The following SMTNL2 variants were observed in gnomAD, a reference collection of about 807,000 sequenced individuals.
The protein encoded by SMTNL2 is smoothelin like 2, also known as smoothelin-like protein 2.
In SMTNL2, 43 loss-of-function variants were observed where a neutral mutation model predicts 44.1. The ratio of observed to expected loss-of-function variants is 0.98; its 90% CI spans 0.76 to 1.26. The LOEUF is 1.26. SMTNL2 is among the 50% of genes most tolerant of loss of function. The pLI, the probability that SMTNL2 is intolerant of heterozygous loss-of-function variation, is 0.00. For missense variants in SMTNL2, 646 were observed against 670.2 expected, an observed-to-expected ratio of 0.96 and a Z score of 0.40; for synonymous variants, 317 against 287.6, an observed-to-expected ratio of 1.10 and a Z score of -1.03.
chr17:4,590,530 C>T (rs1484426562), intron 1 of SMTNL2, among the ~76,000 whole-genome samples: 1 of 152,178 alleles, frequency 6.6e-6, no homozygotes, highest in African/African-American at 2.4e-5. Context: ...CAGCTACCTC[C>T]TCAGCTCCCT....
chr17:4,592,909 A>T lies in SMTNL2; in HGVS notation c.488-20A>T, dbSNP rs891662389. Reference sequence around the variant, plus strand: ...GGCTGCCACAGCTGACCACCCACCCATGCTGGTCACATGTTCCAGGTCCAG... The same window carrying T: ...GGCTGCCACAGCTGACCACCCACCCTTGCTGGTCACATGTTCCAGGTCCAG... On this transcript the variant is annotated intron_variant, in intron 2 of 7. Coordinates refer to ENST00000389313, the MANE Select transcript of SMTNL2 (RefSeq NM_001114974.2). This position sits in a 1 kb window ranked among gnomAD's most constrained non-coding sequence, Gnocchi z 4.5. The T allele has an allele frequency of 6.2e-6, 10 of 1,600,416 alleles. No homozygotes were observed. Among genetic ancestry groups the T allele is most frequent in the Non-Finnish European group, 7.7e-6 (9 of 1,170,670 alleles).
chr17:4,595,428 T>TC lies in SMTNL2; in HGVS notation c.989+105dup. 6.9e-7 allele frequency: 1 copy of TC among 1,454,466 alleles called. No homozygotes were observed. 90.1% of individuals were successfully genotyped at this position (1,454,466 alleles called of 1,614,324 possible). ...AGGGCAAGGTTCAGCCCTGTCCTGTTCCCCAGGGCGCTGTTGCCCAGGACA... is the reference window on the plus strand; with the variant it reads ...AGGGCAAGGTTCAGCCCTGTCCTGTTCCCCCAGGGCGCTGTTGCCCAGGACA... On this transcript the variant is annotated intron_variant, in intron 5 of 7. Transcript: ENST00000389313. The surrounding 1 kb of genome is among the most constrained non-coding windows in gnomAD (Gnocchi z 5.1).
In SMTNL2 at chr17:4,584,782, G is replaced by A. The variant is rs1050152095; in HGVS notation, c.177G>A (p.Thr59=). The change falls in exon 1 of 8, where the codon ACG becomes ACA. Residue 59 remains threonine, a synonymous_variant. Coordinates refer to ENST00000389313, the MANE Select transcript of SMTNL2 (RefSeq NM_001114974.2). ...GCCTGGCCGGCCCCCTGGCGCGCAC[G>A]GTGGCCGACCTGCAGCGGGACAACC... ...AMRLAGPLAR[T]VADLQRDNQR... 7.6e-7 allele frequency: 1 copy of A among 1,309,628 alleles called. No individual in the cohort carries two copies. Among genetic ancestry groups the A allele is most frequent in the Non-Finnish European group, 9.7e-7 (1 of 1,032,716 alleles). The allele number at this position is 1,309,628 out of a possible 1,614,324, so 81.1% of individuals were successfully genotyped here.
At chr17:4,601,870 G>GTT in intron 7 of SMTNL2, among the ~76,000 whole-genome samples, 1 of 148,532 alleles carries the variant, frequency 6.7e-6, no homozygotes, top group African/African-American at 2.5e-5. Flanking sequence ...AGCAGTTGTT[G>GTT]TTTTTTTTTT....
At chr17:4,585,885 G>A (rs1252073814) in intron 1 of SMTNL2, among the ~76,000 whole-genome samples, 1 of 152,206 alleles carries the variant, frequency 6.6e-6, no homozygotes, top group Non-Finnish European at 1.5e-5. Context: ...ACCCTAGGGG[G>A]CCTGGAGGAG....
upstream of SMTNL2, among the ~76,000 whole-genome samples, chr17:4,584,251 G>T (rs1475991405): frequency 6.6e-6 from 1 of 152,220 alleles, no homozygotes; most frequent in Non-Finnish European, 1.5e-5. Flanking sequence ...CCGAGCGAAC[G>T]CGTCAGCCCG....
upstream of SMTNL2, chr17:4,584,490 C>T (rs1196652532): frequency 2.6e-6 from 3 of 1,146,748 alleles, no homozygotes; most frequent in Non-Finnish European, 3.3e-6. Context: ...GCGCCCGCCT[C>T]CCCGGCAGCC....
intron 1 of SMTNL2, among the ~76,000 whole-genome samples, chr17:4,590,974 T>A (rs1046193069): frequency 1.3e-5 from 2 of 152,178 alleles, no homozygotes; most frequent in African/African-American, 4.8e-5. Flanking sequence ...AGGATACCTG[T>A]GCCTTGATGT....
intron 1 of SMTNL2, among the ~76,000 whole-genome samples, chr17:4,590,509 A>G (rs1909529141): frequency 6.6e-6 from 1 of 151,748 alleles, no homozygotes; most frequent in Admixed American, 6.6e-5. Context: ...TAAACTCCAG[A>G]CTCAAAAATC....
intron 4 of SMTNL2, among the ~76,000 whole-genome samples, chr17:4,594,469 AAAT>A (rs1290370962): frequency 1.3e-5 from 2 of 150,916 alleles, no homozygotes; most frequent in African/African-American, 4.9e-5. Flanking sequence ...ATAAATAAAT[AAAT>A]AAATAAATGA....
In SMTNL2 at chr17:4,595,895, G is replaced by C. The variant is rs554165185; in HGVS notation, c.989+568G>C. 3.3e-5 allele frequency among the ~76,000 whole-genome samples: 5 copies of C among 152,212 alleles called. No homozygotes were observed. The South Asian group carries it at 1.1e-3, about 32-fold the overall frequency. ...TGCATGGTATTGATGCCTGCTGTGT[G>C]CAGAGTGTGGCCCAAGCGTGGTATT... On this transcript the variant is annotated intron_variant, in intron 5 of 7. Coordinates refer to ENST00000389313, the MANE Select transcript of SMTNL2 (RefSeq NM_001114974.2). This position sits in a 1 kb window ranked among gnomAD's most constrained non-coding sequence, Gnocchi z 5.1.
rs1218384959 is a variant in SMTNL2 at position 4,584,950 on chromosome 17, G to T, written c.345G>T (p.Leu115=). The part of the protein sequence containing the change: ...APGVPDRAPR[L]GSARFASHAT... ...GGGTTCCCGACCGCGCGCCCCGCCT[G>T]GGCAGCGCACGCTTCGCCAGCCACG... The change falls in exon 1 of 8, where the codon CTG becomes CTT. Residue 115 remains leucine, a synonymous_variant. Coordinates refer to ENST00000389313, the MANE Select transcript of SMTNL2 (RefSeq NM_001114974.2). 2.2e-6 allele frequency: 3 copies of T among 1,353,752 alleles called. No homozygotes were observed. The highest frequency in any genetic ancestry group is 6.3e-5 in the East Asian group (2 of 31,590). 83.9% of individuals were successfully genotyped at this position (1,353,752 alleles called of 1,614,324 possible). A position where few individuals can be genotyped will look rare whatever the true frequency, so the allele number is the denominator to read the frequency against.
In SMTNL2 at chr17:4,595,268, G is replaced by T; in HGVS notation, c.930G>T (p.Ser310=). The part of the protein sequence containing the change: ...LVRSQTLPRT[S]EAQARKALFE... The stretch of plus-strand genomic sequence containing the variant: ...GGTCGCAGACGCTGCCCCGCACCTC[G>T]GAGGCGCAGGCCCGGAAAGCATTGT... Residue 310 remains serine (S), a synonymous_variant, in exon 5 of 8, where the codon TCG becomes TCT. Coordinates refer to ENST00000389313, the MANE Select transcript of SMTNL2 (RefSeq NM_001114974.2). The surrounding 1 kb of genome is among the most constrained non-coding windows in gnomAD (Gnocchi z 5.1). 3 of 1,613,280 alleles carry T rather than the reference G, an allele frequency of 1.9e-6. No individual in the cohort carries two copies. The highest frequency in any genetic ancestry group is 2.5e-6 in the Non-Finnish European group (3 of 1,179,928).
chr17:4,589,190 G>A (rs1909460775), intron 1 of SMTNL2, among the ~76,000 whole-genome samples: 1 of 152,132 alleles, frequency 6.6e-6, no homozygotes. Flanking sequence ...GGGCATCATG[G>A]GGGTTGTTGA....
chr17:4,600,351 T>A lies in SMTNL2; in HGVS notation c.1259+3028T>A, dbSNP rs974060643. Among the ~76,000 whole-genome samples the A allele has an allele frequency of 6.6e-6, 1 of 151,932 alleles. No individual in the cohort carries two copies. Among genetic ancestry groups the A allele is most frequent in the African/African-American group, 2.4e-5 (1 of 41,320 alleles). ...CGTGCAGGCAGCAGGACCACAGAGC[T>A]AAGAAAGGCAGCCTGGGGGCAGGCA... On this transcript the variant is annotated intron_variant, in intron 7 of 7. Transcript: ENST00000389313. This position sits in a 1 kb window ranked among gnomAD's most constrained non-coding sequence, Gnocchi z 4.7.
intron 7 of SMTNL2, among the ~76,000 whole-genome samples, chr17:4,605,921 T>A (rs1378799160): frequency 6.6e-6 from 1 of 152,152 alleles, no homozygotes; most frequent in Admixed American, 6.5e-5. Context: ...GCTGCTGAGA[T>A]GAGCAGGGCG....
chr17:4,588,746 A>T (rs1473455565), intron 1 of SMTNL2, among the ~76,000 whole-genome samples: 1 of 152,204 alleles, frequency 6.6e-6, no homozygotes, highest in African/African-American at 2.4e-5. Flanking sequence ...CAGGTCCTGG[A>T]AGACAACTTT....
At chr17:4,591,167 T>C (rs1909555556) in intron 1 of SMTNL2, among the ~76,000 whole-genome samples, 2 of 152,262 alleles carry the variant, frequency 1.3e-5, no homozygotes, top group Middle Eastern at 3.4e-3. Flanking sequence ...TTCACCAGCC[T>C]GGCTCCCCTC....
intron 1 of SMTNL2, among the ~76,000 whole-genome samples, chr17:4,591,327 G>A (rs1378595482): frequency 6.6e-6 from 1 of 152,222 alleles, no homozygotes; most frequent in African/African-American, 2.4e-5. Flanking sequence ...CTCTCAAGCC[G>A]CTCGTCCTGG....
Sources: gnomAD v4.1 joint callset for allele counts (sites outside exome capture counted in the v4.1 genomes callset) on GRCh38, gnomAD v4.1.1 for gene constraint, Gnocchi (gnomAD v3.1) non-coding constraint, MANE v1.5 for transcripts, NCBI Gene and HGNC (gene_info 2026-07-23, HGNC 2026-07-21) for gene names.